The following DTNB variants were observed in gnomAD, a reference collection of about 807,000 sequenced individuals.
DTNB encodes dystrobrevin beta, also known as DTN-B.
DTNB carries 63 observed loss-of-function variants against 90.7 expected under a neutral mutation model. The ratio of observed to expected loss-of-function variants is 0.69; its 90% confidence interval spans 0.57 to 0.86. The LOEUF is 0.86. Ranked by LOEUF, DTNB falls within the 40% of genes least tolerant of loss-of-function variation. DTNB has a pLI of 0.00. For synonymous variants in DTNB, 277 were observed against 286.7 expected (o/e 0.97, Z 0.34); for missense variants, 744 against 807.1 (o/e 0.92, Z 0.95).
chr2:25,627,953 G>T (rs1274965291), intron 4 of DTNB, among the ~76,000 whole-genome samples: 1 of 152,040 alleles, frequency 6.6e-6, no homozygotes, highest in Non-Finnish European at 1.5e-5. Context: ...AGCCGGGATG[G>T]TCTCCATCTC....
intron 10 of DTNB, among the ~76,000 whole-genome samples, chr2:25,481,236 GA>G (rs563043183): frequency 1.1e-3 from 157 of 143,934 alleles, no homozygotes; most frequent in African/African-American, 1.2e-3. Context: ...AATCTCTACT[GA>G]AAAAAAAAAA....
intron 6 of DTNB, among the ~76,000 whole-genome samples, chr2:25,581,798 AG>A (rs752169955): frequency 2.0e-5 from 3 of 152,268 alleles, no homozygotes; most frequent in Non-Finnish European, 2.9e-5. Context: ...CAACTCAACA[AG>A]ATAGTTCCGT....
At chr2:25,393,060 G>C (rs2041576132) in intron 16 of DTNB, among the ~76,000 whole-genome samples, 1 of 152,130 alleles carries the variant, frequency 6.6e-6, no homozygotes. Context: ...TTTCATACCA[G>C]GGACACAGGG....
chr2:25,474,229 C>A (rs996883402), intron 10 of DTNB, among the ~76,000 whole-genome samples: 7 of 151,672 alleles, frequency 4.6e-5, no homozygotes, highest in Non-Finnish European at 1.5e-5. Flanking sequence ...CACCTGCCAA[C>A]ACTAAGGACC....
chr2:25,457,446 AC>A (rs2060221981), intron 10 of DTNB, among the ~76,000 whole-genome samples: 1 of 152,148 alleles, frequency 6.6e-6, no homozygotes, highest in Non-Finnish European at 1.5e-5. Flanking sequence ...TTCTAGGCTC[AC>A]CGATTCTAGG....
intron 10 of DTNB, among the ~76,000 whole-genome samples, chr2:25,471,682 G>A (rs186133566): frequency 3.9e-5 from 6 of 152,208 alleles, no homozygotes; most frequent in East Asian, 1.9e-4. Flanking sequence ...GATTACAGGC[G>A]TGAGCCACCG....
At chr2:25,411,637 C>T (rs1215894637) in intron 16 of DTNB, among the ~76,000 whole-genome samples, 2 of 152,164 alleles carry the variant, frequency 1.3e-5, no homozygotes, top group African/African-American at 2.4e-5. Context: ...CAACAGACAT[C>T]TGTACCATTT....
intron 9 of DTNB, among the ~76,000 whole-genome samples, chr2:25,505,061 T>C (rs1234563521): frequency 6.6e-6 from 1 of 152,238 alleles, no homozygotes; most frequent in African/African-American, 2.4e-5. Context: ...TCATAATTGA[T>C]ATCTGAAATG....
chr2:25,574,424 C>T (rs1471415293), intron 8 of DTNB, among the ~76,000 whole-genome samples: 1 of 152,190 alleles, frequency 6.6e-6, no homozygotes, highest in Non-Finnish European at 1.5e-5. Flanking sequence ...ATGAATTATA[C>T]TGCATAGCTA....
At chr2:25,539,431 G>A (rs2080633367) in intron 8 of DTNB, among the ~76,000 whole-genome samples, 1 of 152,142 alleles carries the variant, frequency 6.6e-6, no homozygotes, top group Non-Finnish European at 1.5e-5. Context: ...CAAGCTGGTG[G>A]GTGATGAATG....
At chr2:25,670,290 T>C (rs765120548) in intron 1 of DTNB, among the ~76,000 whole-genome samples, 370 of 152,328 alleles carry the variant, frequency 2.4e-3, no homozygotes, top group Non-Finnish European at 4.0e-3. Flanking sequence ...TGAAAATACA[T>C]AGAGAATAGC....
chr2:25,467,995 C>T (rs1171862943), intron 10 of DTNB, among the ~76,000 whole-genome samples: 1 of 152,012 alleles, frequency 6.6e-6, no homozygotes, highest in Non-Finnish European at 1.5e-5. Flanking sequence ...CAACCGCTGC[C>T]CTTGTGTGTA....
chr2:25,553,178 T>G (rs2056669540), intron 8 of DTNB, among the ~76,000 whole-genome samples: 1 of 151,828 alleles, frequency 6.6e-6, no homozygotes, highest in Non-Finnish European at 1.5e-5. Context: ...GTCTCAAACT[T>G]CTGGGCTCTA....
chr2:25,505,511 C>T (rs1314697611), intron 9 of DTNB, among the ~76,000 whole-genome samples: 1 of 151,888 alleles, frequency 6.6e-6, no homozygotes, highest in African/African-American at 2.4e-5. Flanking sequence ...TCATTTGTAC[C>T]CACATCAACA....
chr2:25,454,153 A>G (rs1381160441), intron 11 of DTNB, among the ~76,000 whole-genome samples: 4 of 151,522 alleles, frequency 2.6e-5, no homozygotes, highest in African/African-American at 9.7e-5. Flanking sequence ...CTGTCTCAAA[A>G]AAAAAAAAAA....
chr2:25,543,535 C>T (rs1315823499), intron 8 of DTNB, among the ~76,000 whole-genome samples: 1 of 152,084 alleles, frequency 6.6e-6, no homozygotes. Flanking sequence ...AACTCCTGAC[C>T]TCAAGTGATC....
rs532549368 is a variant in DTNB, at chr2:25,601,131, T to TA, written c.449-4892dup. Reference sequence around the variant, plus strand: ...ATGAAGTTTAACAATCAACCTAAGTTATTGTGATTTACCTATGTACATATA... The same window carrying TA: ...ATGAAGTTTAACAATCAACCTAAGTTAATTGTGATTTACCTATGTACATATA... On this transcript the variant is annotated intron_variant, in intron 5 of 20. Coordinates refer to ENST00000406818, the MANE Select transcript of DTNB (RefSeq NM_021907.5). 1.2e-3 allele frequency among the ~76,000 whole-genome samples: 182 copies of TA among 152,320 alleles called. 1 individual carries two copies. Among genetic ancestry groups the TA allele is most frequent in the Admixed American group, 2.0e-3 (31 of 15,306 alleles).
At chr2:25,492,386 TAA>T (rs982524204) in intron 9 of DTNB, among the ~76,000 whole-genome samples, 1 of 151,360 alleles carries the variant, frequency 6.6e-6, no homozygotes, top group Non-Finnish European at 1.5e-5. Context: ...GACTGTTGAC[TAA>T]AAAAAAAGTT....
chr2:25,464,605 G>A (rs2061489157), intron 10 of DTNB, among the ~76,000 whole-genome samples: 1 of 152,202 alleles, frequency 6.6e-6, no homozygotes, highest in African/African-American at 2.4e-5. Flanking sequence ...CTGCCCTTGA[G>A]TATGAACCAT....
Sources: gnomAD v4.1 joint callset for allele counts (sites outside exome capture counted in the v4.1 genomes callset) on GRCh38, gnomAD v4.1.1 for gene constraint, MANE v1.5 for transcripts, NCBI Gene and HGNC (gene_info 2026-07-23, HGNC 2026-07-21) for gene names.